The following DOCK1 variants were observed in gnomAD, a reference collection of about 807,000 sequenced individuals.
The protein encoded by DOCK1 is dedicator of cytokinesis protein 1.
In DOCK1, 138 loss-of-function variants were observed where a neutral mutation model predicts 262.7. The ratio of observed to expected loss-of-function variants is 0.53; its 90% CI spans 0.46 to 0.61. DOCK1 has a LOEUF of 0.61. Ranked by LOEUF, DOCK1 falls within the 20% of genes least tolerant of loss-of-function variation. The probability of loss-of-function intolerance (pLI) is 0.00; values close to 1 mark genes in which losing one functional copy is unlikely to be tolerated. For synonymous variants in DOCK1, 866 were observed against 867.4 expected, an observed-to-expected ratio of 1.00 and a Z score of 0.03; for missense variants, 1,908 against 2,370.7, an observed-to-expected ratio of 0.80 and a Z score of 4.05.
intron 1 of DOCK1, among the ~76,000 whole-genome samples, chr10:126,952,363 T>A (rs971553462): frequency 6.6e-6 from 1 of 151,944 alleles, no homozygotes. Context: ...ATATTGTTAC[T>A]GTTGGTAGTA....
At chr10:127,448,207 C>G in intron 51 of DOCK1, among the ~76,000 whole-genome samples, 1 of 152,200 alleles carries the variant, frequency 6.6e-6, no homozygotes. Flanking sequence ...CTTTGTAAGC[C>G]TAAGCAACCT....
chr10:127,312,170 A>G (rs892680834), intron 29 of DOCK1, among the ~76,000 whole-genome samples: 2 of 152,140 alleles, frequency 1.3e-5, no homozygotes, highest in Non-Finnish European at 2.9e-5. Context: ...AGAGCTGCCT[A>G]AGGCAGACCC....
At chr10:127,061,960 A>C (rs2045564771) in intron 23 of DOCK1, among the ~76,000 whole-genome samples, 184 bp downstream of exon 23, 1 of 138,744 alleles carries the variant, frequency 7.2e-6, no homozygotes, top group East Asian at 2.0e-4. Flanking sequence ...TTTTTGAGAC[A>C]GAATCCTGCT....
At chr10:126,939,671 A>C (rs2034843468) in intron 1 of DOCK1, among the ~76,000 whole-genome samples, 2 of 152,094 alleles carry the variant, frequency 1.3e-5, no homozygotes, top group African/African-American at 4.8e-5. Context: ...CAAAATACCT[A>C]TTTTAGAAAA....
chr10:127,134,416 CTAAGT>C (rs2050521781), intron 27 of DOCK1, among the ~76,000 whole-genome samples: 1 of 152,154 alleles, frequency 6.6e-6, no homozygotes, highest in African/African-American at 2.4e-5. Flanking sequence ...TGCCAACTGC[CTAAGT>C]TGTTTCCAAG....
intron 27 of DOCK1, among the ~76,000 whole-genome samples, chr10:127,234,345 T>G (rs907267159): frequency 1.3e-5 from 2 of 152,074 alleles, no homozygotes; most frequent in Admixed American, 6.6e-5. Flanking sequence ...AATTGCAAAA[T>G]GTACACATCA....
chr10:127,254,580 T>A lies in DOCK1; in HGVS notation c.2950-2755T>A, dbSNP rs12570632. Among the ~76,000 whole-genome samples, 1,038 of 152,348 alleles carry A rather than the reference T, an allele frequency of 6.8e-3. 57 individuals are homozygous for A. In the East Asian group the frequency reaches 0.14, roughly 21 times the overall value. On this transcript the variant is annotated intron_variant, in intron 28 of 51. Coordinates refer to ENST00000623213, the MANE Select transcript of DOCK1 (RefSeq NM_001290223.2). ...TGGTAACTTCCAGATCCCTCCATTG[T>A]GAAAGTATGTACCTCTTCCTACCTT...
At chr10:127,102,351 A>G (rs1435697235) in intron 23 of DOCK1, among the ~76,000 whole-genome samples, 1 of 152,186 alleles carries the variant, frequency 6.6e-6, no homozygotes, top group Non-Finnish European at 1.5e-5. Flanking sequence ...CATAGAGCCC[A>G]GCACCTAGAA....
intron 29 of DOCK1, among the ~76,000 whole-genome samples, chr10:127,314,014 C>T (rs781758729): frequency 7.2e-5 from 11 of 152,060 alleles, no homozygotes; most frequent in Non-Finnish European, 1.5e-5. Context: ...AGTGTTGCAC[C>T]CTCTAGAGAA....
At chr10:126,993,232 A>G (rs2039940313) in intron 6 of DOCK1, among the ~76,000 whole-genome samples, 1 of 152,102 alleles carries the variant, frequency 6.6e-6, no homozygotes, top group South Asian at 2.1e-4. Context: ...CCCTGAGGGA[A>G]CCCAATTCTG....
intron 23 of DOCK1, among the ~76,000 whole-genome samples, chr10:127,073,853 G>C (rs1165417596): frequency 6.6e-6 from 1 of 152,178 alleles, no homozygotes; most frequent in African/African-American, 2.4e-5. Flanking sequence ...GTGCAAATTG[G>C]CGACTTTGTG....
Position 127,031,629 on chromosome 10 carries a change from T to C in DOCK1, c.1625-21T>C, listed in dbSNP as rs1173670717. Reference sequence around the variant, plus strand: ...TGATAATTGAAAGCAATCATCAATTTTTTTGTTTTTTGTTTTACAGCTAAG... The same window carrying C: ...TGATAATTGAAAGCAATCATCAATTCTTTTGTTTTTTGTTTTACAGCTAAG... On this transcript the variant is annotated intron_variant, in intron 16 of 51. Transcript: ENST00000623213. The C allele has an allele frequency of 5.1e-6, 8 of 1,578,724 alleles. No individual in the cohort carries two copies. In the South Asian group the frequency reaches 9.1e-5, roughly 18 times the overall value.
rs879162375 is a variant in DOCK1 at position 127,136,579 on chromosome 10, T to C, written c.2847+8815T>C. 2.0e-5 allele frequency: 3 copies of C among 152,166 alleles called. No homozygotes were observed. In the South Asian group the frequency reaches 6.3e-4, roughly 32 times the overall value. The allele number at this position is 152,166 out of a possible 1,614,324, so 9.4% of individuals were successfully genotyped here. A position where few individuals can be genotyped will look rare whatever the true frequency, so the allele number is the denominator to read the frequency against. ...AATAGACTAGGGGATTTGATTTCTA[T>C]AAAAAGATACTTGCAAAGGTGCAAA... On this transcript the variant is annotated intron_variant, in intron 27 of 51. Coordinates refer to ENST00000623213, the MANE Select transcript of DOCK1 (RefSeq NM_001290223.2).
intron 49 of DOCK1, among the ~76,000 whole-genome samples, chr10:127,443,362 T>C (rs2070316932): frequency 2.7e-5 from 4 of 150,850 alleles, no homozygotes; most frequent in Admixed American, 2.6e-4. Context: ...AAAAGTAGCA[T>C]GGACTCTGGG....
chr10:127,131,732 G>C (rs928977301), intron 27 of DOCK1, among the ~76,000 whole-genome samples: 1 of 152,162 alleles, frequency 6.6e-6, no homozygotes, highest in Non-Finnish European at 1.5e-5. Flanking sequence ...CCCTGACAAG[G>C]TGGACAAAAA....
At chr10:126,984,615 T>C (rs2039227314) in intron 4 of DOCK1, among the ~76,000 whole-genome samples, 1 of 151,938 alleles carries the variant, frequency 6.6e-6, no homozygotes, top group Admixed American at 6.6e-5. Flanking sequence ...GTGATCTGCC[T>C]GCCTTGGCCT....
intron 29 of DOCK1, among the ~76,000 whole-genome samples, chr10:127,303,885 A>G (rs1183166129): frequency 1.3e-5 from 2 of 152,176 alleles, no homozygotes; most frequent in African/African-American, 4.8e-5. Context: ...GTGGCAGGTG[A>G]GAGAGCATCA....
intron 27 of DOCK1, among the ~76,000 whole-genome samples, chr10:127,172,726 G>A (rs2054693651): frequency 6.6e-6 from 1 of 152,172 alleles, no homozygotes; most frequent in South Asian, 2.1e-4. Context: ...GTGAGCTTGT[G>A]CTGGCAGCAA....
At chr10:127,327,102 G>T (rs4751207) in intron 29 of DOCK1, among the ~76,000 whole-genome samples, 1 of 152,152 alleles carries the variant, frequency 6.6e-6, no homozygotes, top group Admixed American at 6.5e-5. Flanking sequence ...TCTTAAGGGC[G>T]CTAGGATGTT....
Sources: gnomAD v4.1 joint callset for allele counts (sites outside exome capture counted in the v4.1 genomes callset) on GRCh38, gnomAD v4.1.1 for gene constraint, MANE v1.5 for transcripts, NCBI Gene and HGNC (gene_info 2026-07-23, HGNC 2026-07-21) for gene names.